FGL1: variants seen among roughly 807,000 people sequenced by gnomAD.
FGL1 encodes fibrinogen like 1, also known as fibrinogen-like protein 1.
Under a neutral mutation model 43.7 loss-of-function variants are expected in FGL1, and 59 were observed. That is an observed-to-expected ratio of 1.35 (90% confidence interval 1.10 to 1.68). FGL1 has a LOEUF of 1.68. Ranked by LOEUF, FGL1 falls within the 40% of genes most tolerant of loss-of-function variation. FGL1 has a pLI of 0.00. For synonymous variants in FGL1, 192 were observed against 126.5 expected (o/e 1.52, Z -3.48); for missense variants, 596 against 373.0 (o/e 1.60, Z -4.92).
At chr8:17,889,442 C>G (rs758574959) in intron 1 of FGL1, among the ~76,000 whole-genome samples, 3 of 151,980 alleles carry the variant, frequency 2.0e-5, no homozygotes, top group African/African-American at 7.3e-5. Context: ...CCCAGCTACT[C>G]GGGAGGCTGA....
intron 1 of FGL1, among the ~76,000 whole-genome samples, chr8:17,890,847 A>G (rs2053694026): frequency 6.6e-6 from 1 of 152,086 alleles, no homozygotes; most frequent in Non-Finnish European, 1.5e-5. Flanking sequence ...AGAACTCACT[A>G]TCACGAAAAC....
intron 3 of FGL1, among the ~76,000 whole-genome samples, chr8:17,878,848 C>T (rs950423514): frequency 4.6e-5 from 7 of 151,370 alleles, no homozygotes; most frequent in Non-Finnish European, 8.8e-5. Context: ...TTTAAGGACA[C>T]CAAAAACATA....
rs146639128 is a variant in FGL1 at position 17,882,174 on chromosome 8, G to C, written c.69C>G (p.Leu23=). Residue 23 remains leucine (L), a synonymous_variant, in exon 3 of 8, where the codon CTC becomes CTG. Transcript: ENST00000427924. Reference sequence around the variant, plus strand: ...GCATCTGCTCCTGGGCACAGTCCTCGAGCGCCTGCAAAACAGGTGAGATGA... The same window carrying C: ...GCATCTGCTCCTGGGCACAGTCCTCCAGCGCCTGCAAAACAGGTGAGATGA... ...ALTMGREISA[L]EDCAQEQMRL... is the part of the protein sequence containing the mutation. 8.1e-6 allele frequency: 13 copies of C among 1,612,490 alleles called. No individual in the cohort carries two copies. The highest frequency in any genetic ancestry group is 2.2e-5 in the East Asian group (1 of 44,864).
rs376897788 is a variant in FGL1, at chr8:17,870,054, G to A, written c.503-1050C>T. The stretch of plus-strand genomic sequence containing the variant: ...GAACCCAGAAGGCAGAGCTTGCAGT[G>A]AGCCGAGATTGCTCCACTGCACTCC... On this transcript the variant is annotated intron_variant, in intron 5 of 7. Coordinates refer to ENST00000427924, the MANE Select transcript of FGL1 (RefSeq NM_004467.4). Among the ~76,000 whole-genome samples, 904 of 152,216 alleles carry A rather than the reference G, an allele frequency of 5.9e-3. 9 individuals carry two copies. Among genetic ancestry groups the A allele is most frequent in the South Asian group, 0.016 (76 of 4,824 alleles).
chr8:17,883,105 AATAATATATATC>A (rs1563458010), intron 2 of FGL1, among the ~76,000 whole-genome samples: 324 of 15,002 alleles, frequency 0.022, 1 homozygote, highest in Non-Finnish European at 0.035. Context: ...TAATATATTA[AATAATATATATC>A]ATATATAATA....
intron 1 of FGL1, 189 bp downstream of exon 1, chr8:17,895,258 A>G (rs1029824231): frequency 1.1e-5 from 11 of 1,005,632 alleles, no homozygotes; most frequent in East Asian, 7.5e-5. Context: ...GTATATCTGT[A>G]TATCTGTAAC....
At chr8:17,873,744 T>C (rs867709933) in intron 5 of FGL1, among the ~76,000 whole-genome samples, 11 of 149,928 alleles carry the variant, frequency 7.3e-5, no homozygotes, top group Middle Eastern at 3.6e-3. Context: ...ATATACTATG[T>C]ATAGAATGTA....
intron 7 of FGL1, among the ~76,000 whole-genome samples, chr8:17,868,012 AT>A (rs2053295817): frequency 6.6e-6 from 1 of 152,246 alleles, no homozygotes; most frequent in South Asian, 2.1e-4. Context: ...GAATTTGCTG[AT>A]AAAGTAACAT....
chr8:17,882,010 C>G lies in FGL1; in HGVS notation c.233G>C (p.Arg78Thr). Residue 78 changes from arginine to threonine, a missense_variant, in exon 3 of 8, where the codon AGG (arginine) becomes ACG (threonine). By Grantham distance (71) the Arg-to-Thr change is moderately conservative. Transcript: ENST00000427924. ...AAGTCCATTCTGACCTGCATACTGC[C>G]TCTTGCTTCCAAGATCAATGACAGT... ...ENTVIDLGSK[R>T]QYADCSEIFN... 1.9e-6 allele frequency: 3 copies of G among 1,613,766 alleles called. No homozygotes were observed. Among genetic ancestry groups the G allele is most frequent in the Non-Finnish European group, 2.5e-6 (3 of 1,179,868 alleles).
chr8:17,867,386 C>A (rs35453240), intron 7 of FGL1, among the ~76,000 whole-genome samples: 1 of 151,926 alleles, frequency 6.6e-6, no homozygotes, highest in African/African-American at 2.4e-5. Flanking sequence ...AATTTCAGAA[C>A]GCTAGGGGGA....
chr8:17,869,961 T>C (rs963849551), intron 5 of FGL1, among the ~76,000 whole-genome samples: 2 of 151,890 alleles, frequency 1.3e-5, no homozygotes, highest in Non-Finnish European at 2.9e-5. Flanking sequence ...ATACAAAAAA[T>C]TAGCCGGGCA....
At chr8:17,890,221 G>A (rs1269290698) in intron 1 of FGL1, among the ~76,000 whole-genome samples, 1 of 152,104 alleles carries the variant, frequency 6.6e-6, no homozygotes, top group African/African-American at 2.4e-5. Context: ...GCTAATGTCT[G>A]GCCCAAGCTA....
intron 1 of FGL1, among the ~76,000 whole-genome samples, chr8:17,888,802 G>C (rs1450731882): frequency 6.6e-6 from 1 of 152,072 alleles, no homozygotes; most frequent in Non-Finnish European, 1.5e-5. Context: ...AGAAGGCTTA[G>C]AAAATAAACA....
chr8:17,865,755 T>A (rs2053261044), intron 7 of FGL1, among the ~76,000 whole-genome samples: 1 of 152,164 alleles, frequency 6.6e-6, no homozygotes, highest in Non-Finnish European at 1.5e-5. Context: ...TGAAAAGATG[T>A]CAGAATTAGG....
chr8:17,888,548 C>A (rs2053661679), intron 1 of FGL1, among the ~76,000 whole-genome samples: 1 of 152,158 alleles, frequency 6.6e-6, no homozygotes, highest in South Asian at 2.1e-4. Context: ...CCGAAGACAT[C>A]TGATGTTAGG....
intron 1 of FGL1, among the ~76,000 whole-genome samples, chr8:17,886,519 A>T (rs1173889997): frequency 2.0e-5 from 3 of 152,110 alleles, no homozygotes; most frequent in Admixed American, 6.6e-5. Flanking sequence ...GCACTTTGGG[A>T]GGTCGAGGTG....
chr8:17,885,013 T>A (rs2053606608), intron 2 of FGL1, among the ~76,000 whole-genome samples: 1 of 151,990 alleles, frequency 6.6e-6, no homozygotes, highest in South Asian at 2.1e-4. Flanking sequence ...TTATTTATTA[T>A]GAATACTTTT....
rs188608946 is a variant in FGL1, at chr8:17,874,184, A to G, written c.405-68T>C. On this transcript the variant is annotated intron_variant, in intron 4 of 7. Coordinates refer to ENST00000427924, the MANE Select transcript of FGL1 (RefSeq NM_004467.4). ...TGTGGTACCAAAGCGACCACCACCC[A>G]CCCCCTGCTACCACCACCTCCAATA... 2.4e-3 allele frequency: 3,276 copies of G among 1,351,584 alleles called. 72 individuals carry two copies. In the African/African-American group the frequency reaches 0.042, roughly 17 times the overall value. The allele number at this position is 1,351,584 out of a possible 1,614,324, so 83.7% of individuals were successfully genotyped here.
In FGL1 at chr8:17,895,355, T is replaced by C; in HGVS notation, c.-18+92A>G. 5.7e-6 allele frequency: 7 copies of C among 1,221,718 alleles called. 1 individual carries two copies. In the South Asian group the frequency reaches 1.0e-4, roughly 18 times the overall value. 75.7% of individuals were successfully genotyped at this position (1,221,718 alleles called of 1,614,324 possible). A position where few individuals can be genotyped will look rare whatever the true frequency, so the allele number is the denominator to read the frequency against. ...CCTGACTTCTTGCAAAAGCTAATGG[T>C]TGTTACCTGAGTTTTGGTTACTATC... On this transcript the variant is annotated intron_variant, in intron 1 of 7. Coordinates refer to ENST00000427924, the MANE Select transcript of FGL1 (RefSeq NM_004467.4).
Sources: gnomAD v4.1 joint callset for allele counts (sites outside exome capture counted in the v4.1 genomes callset) on GRCh38, gnomAD v4.1.1 for gene constraint, MANE v1.5 for transcripts, NCBI Gene and HGNC (gene_info 2026-07-23, HGNC 2026-07-21) for gene names.